The following TECPR1 variants were observed in gnomAD, a reference collection of about 807,000 sequenced individuals.
TECPR1 encodes tectonin beta-propeller repeat containing 1.
In TECPR1, 122 loss-of-function variants were observed where a neutral mutation model predicts 162.4. The observed-to-expected ratio is 0.75, with a 90% CI of 0.65 to 0.87. The LOEUF is 0.87. Among genes scored for constraint, TECPR1 ranks in the 40% least tolerant of loss-of-function variants. The pLI, the probability that TECPR1 is intolerant of heterozygous loss-of-function variation, is 0.00. For missense variants in TECPR1, 1,432 were observed against 1,618.2 expected, an observed-to-expected ratio of 0.88 and a Z score of 1.97; for synonymous variants, 642 against 670.6, an observed-to-expected ratio of 0.96 and a Z score of 0.66.
chr7:98,246,131 G>C lies in TECPR1; in HGVS notation c.16C>G (p.Leu6Val), dbSNP rs79534220. ...CTCCCGAAGAGGTCCACCGCCCACA[G>C]CACTGAGTTGGGCATGGCAGCGGCT... MPNSV[L>V]WAVDLFGRVY... The change falls in exon 3 of 26, where the codon CTG becomes GTG. Residue 6 changes from leucine (L) to valine (V), a missense_variant. Leu to Val is a conservative substitution (Grantham distance 32). Coordinates refer to ENST00000447648, the MANE Select transcript of TECPR1 (RefSeq NM_015395.3). 3,453 of 1,548,044 alleles carry C rather than the reference G, an allele frequency of 2.2e-3. 105 individuals are homozygous for C. The East Asian group carries it at 0.068, about 30-fold the overall frequency.
Position 98,222,407 on chromosome 7 carries a change from C to T in TECPR1, c.3043G>A (p.Val1015Met), listed in dbSNP as rs775705773. 3 of 1,599,412 alleles carry T rather than the reference C, an allele frequency of 1.9e-6. No individual in the cohort carries two copies. The South Asian group carries it at 3.4e-5, about 18-fold the overall frequency. The change falls in exon 22 of 26, where the codon GTG (valine) becomes ATG (methionine). Residue 1015 changes from valine to methionine, a missense_variant. Transcript: ENST00000447648. ...RDGSAFYRGS[V>M]YPSQPAGDCW... ...TCACCGGCTGGCTGCGAGGGGTACA[C>T]GGATCCCCGGTAGAAGGCGGAGCCG...
Position 98,223,078 on chromosome 7 carries a change from T to C in TECPR1, c.2840A>G (p.Glu947Gly). The change falls in exon 21 of 26, where the codon GAG (glutamate) becomes GGG (glycine). Residue 947 changes from glutamate (E) to glycine (G), a missense_variant. Transcript: ENST00000447648. ...VSIIPESPGA[E>G]GSGHSIALWA... is the part of the protein sequence containing the mutation. ...GAGGGCGATGCTGTGCCCACTCCCC[T>C]CGGCACCCGGGCTCTCCGGGATGAT... 6.2e-7 allele frequency: 1 copy of C among 1,604,692 alleles called. No individual in the cohort carries two copies. The highest frequency in any genetic ancestry group is 8.5e-7 in the Non-Finnish European group (1 of 1,176,362).
At chr7:98,222,554 C>A in intron 21 of TECPR1, 33 bp from the exon 22 acceptor site, 1 of 1,549,140 alleles carries the variant, frequency 6.5e-7, no homozygotes, top group Non-Finnish European at 8.7e-7. Context: ...CTGAGGTCAC[C>A]AGGGCCCCCA....
chr7:98,243,663 C>T (rs1276574707), intron 5 of TECPR1, 71 bp from the exon 6 acceptor site: 13 of 1,532,190 alleles, frequency 8.5e-6, no homozygotes, highest in African/African-American at 1.4e-5. Context: ...CCACCTCCCG[C>T]CCGCCTGCCA....
intron 4 of TECPR1, 92 bp from the exon 5 acceptor site, chr7:98,244,785 C>G: frequency 2.5e-6 from 4 of 1,580,814 alleles, no homozygotes; most frequent in Non-Finnish European, 3.4e-6. Context: ...CCTGAAACAC[C>G]CGAGCTCAGG....
At chr7:98,244,447 G>T (rs745920380) in intron 5 of TECPR1, 124 bp downstream of exon 5, 157 of 1,304,756 alleles carry the variant, frequency 1.2e-4, no homozygotes, top group Non-Finnish European at 1.6e-4. Context: ...CAGCTCAAAG[G>T]CCAGGTCCCG....
At chr7:98,238,946 C>T (rs1041686960) in intron 8 of TECPR1, among the ~76,000 whole-genome samples, 6 of 152,194 alleles carry the variant, frequency 3.9e-5, no homozygotes, top group Admixed American at 1.3e-4. Context: ...TGAAAGACAA[C>T]GGCCTTAATA....
chr7:98,250,477 T>C (rs1799037023), intron 2 of TECPR1, among the ~76,000 whole-genome samples: 1 of 151,188 alleles, frequency 6.6e-6, no homozygotes, highest in Non-Finnish European at 1.5e-5. Context: ...AAATAAAAAG[T>C]TAAAAAAAAA....
intron 10 of TECPR1, among the ~76,000 whole-genome samples, chr7:98,235,849 A>AAACAAAAAAACAAC (rs1554401446): frequency 9.1e-6 from 1 of 110,256 alleles, no homozygotes; most frequent in Non-Finnish European, 2.1e-5. Flanking sequence ...AAAAAAAAAA[A>AAACAAAAAAACAAC]AACACCATCT....
Position 98,223,733 on chromosome 7 carries a change from A to G in TECPR1, c.2691-15T>C. ...CATGGTATGAGCTGCAAGGAGGAAG[A>G]AGATGAAATCAGGGCCACTTCGTGG... is the stretch of plus-strand genomic sequence containing the variant. On this transcript the variant is annotated splice_polypyrimidine_tract_variant and intron_variant, in intron 19 of 25. Coordinates refer to ENST00000447648, the MANE Select transcript of TECPR1 (RefSeq NM_015395.3). 4 of 1,613,694 alleles carry G rather than the reference A, an allele frequency of 2.5e-6. No homozygotes were observed. Among genetic ancestry groups the G allele is most frequent in the Non-Finnish European group, 3.4e-6 (4 of 1,179,748 alleles).
intron 2 of TECPR1, among the ~76,000 whole-genome samples, chr7:98,248,483 C>T (rs1798969427): frequency 7.5e-6 from 1 of 133,424 alleles, no homozygotes; most frequent in Non-Finnish European, 1.5e-5. Context: ...GTGACTGTGA[C>T]GATGGCACGA....
intron 2 of TECPR1, among the ~76,000 whole-genome samples, chr7:98,249,329 G>C (rs1799002972): frequency 6.6e-6 from 1 of 152,096 alleles, no homozygotes; most frequent in Admixed American, 6.6e-5. Context: ...GAATAGGAGG[G>C]AGACTGCCCA....
At position 98,218,311 on chromosome 7, in the gene TECPR1, C is replaced by T. The variant is rs551546149; in HGVS notation, c.3158-269G>A. Among the ~76,000 whole-genome samples, 34 of 152,326 alleles carry T rather than the reference C, an allele frequency of 2.2e-4. No homozygotes were observed. In the Middle Eastern group the frequency reaches 0.02, roughly 91 times the overall value. ...ATCGCCCTATTGTGCTGGGCACGGC[C>T]GGCCTCCTGATCCTCTTTCTGCTGA... is the stretch of plus-strand genomic sequence containing the variant. On this transcript the variant is annotated intron_variant, in intron 23 of 25. Coordinates refer to ENST00000447648, the MANE Select transcript of TECPR1 (RefSeq NM_015395.3).
At position 98,240,937 on chromosome 7, in the gene TECPR1, T is replaced by C; in HGVS notation, c.847A>G (p.Ile283Val). Residue 283 changes from isoleucine (I) to valine (V), a missense_variant, in exon 8 of 26, where the codon ATC becomes GTC. Transcript: ENST00000447648. ...RSNPKGSSWS[I>V]VEPPGSENGV... ...TTTTCAGATCCAGGAGGCTCCACGA[T>C]GGACCAGGAACTTCCTACCGGGCCC... is the stretch of plus-strand genomic sequence containing the variant. The C allele has an allele frequency of 1.2e-6, 2 of 1,606,852 alleles. No homozygotes were observed. Among genetic ancestry groups the C allele is most frequent in the Non-Finnish European group, 1.7e-6 (2 of 1,178,134 alleles).
chr7:98,234,000 C>T (rs1798527949), intron 10 of TECPR1, 89 bp from the exon 11 acceptor site: 5 of 1,441,842 alleles, frequency 3.5e-6, no homozygotes. Flanking sequence ...TCCACCATGA[C>T]TGCCTGTGGA....
At chr7:98,224,915 C>T (rs753667859) in intron 18 of TECPR1, 35 bp from the exon 19 acceptor site, 32 of 1,551,210 alleles carry the variant, frequency 2.1e-5, no homozygotes, top group Non-Finnish European at 2.4e-5. Flanking sequence ...TGGGACCCCC[C>T]GAATCCAGAA....
Position 98,233,743 on chromosome 7 carries a change from A to G in TECPR1, c.1350T>C (p.Ala450=), listed in dbSNP as rs1407385215. The stretch of plus-strand genomic sequence containing the variant: ...CCACGGTATCTTCTGCGGTCCTGCC[A>G]GCCCCCAGGCCTGAGGCTGAGTTCC... The part of the protein sequence containing the change: ...ATGNSASGLG[A]GRTAEDTVED... The change falls in exon 11 of 26, where the codon GCT becomes GCC. Residue 450 remains alanine, a synonymous_variant. Coordinates refer to ENST00000447648, the MANE Select transcript of TECPR1 (RefSeq NM_015395.3). The G allele has an allele frequency of 2.5e-6, 4 of 1,612,096 alleles. No homozygotes were observed. Among genetic ancestry groups the G allele is most frequent in the Admixed American group, 1.7e-5 (1 of 59,918 alleles).
intron 3 of TECPR1, 117 bp downstream of exon 3, chr7:98,245,805 T>C: frequency 1.1e-6 from 1 of 947,464 alleles, no homozygotes; most frequent in Non-Finnish European, 1.6e-6. Context: ...AGGAAGGAAA[T>C]GAAGGCAGGA....
chr7:98,231,321 T>C lies in TECPR1; in HGVS notation c.2027A>G (p.Glu676Gly). The change falls in exon 14 of 26, where the codon GAG becomes GGG. Residue 676 changes from glutamate to glycine, a missense_variant. By Grantham distance (98) the Glu-to-Gly change is moderately conservative (BLOSUM62 -2). Coordinates refer to ENST00000447648, the MANE Select transcript of TECPR1 (RefSeq NM_015395.3). ...EVVALVPVLN[E>G]TKHSFALYTP... ...GTACAGGGCAAAGGAGTGCTTGGTC[T>C]CGTTCAGCACTGGGACCAGCGCCAC... 6.2e-7 allele frequency: 1 copy of C among 1,611,788 alleles called. No individual in the cohort carries two copies.
Sources: allele counts gnomAD v4.1 joint callset (sites outside exome capture counted in the v4.1 genomes callset), GRCh38; gene constraint gnomAD v4.1.1; transcripts MANE v1.5; gene names NCBI Gene and HGNC (gene_info 2026-07-23, HGNC 2026-07-21).